The following SAMD3 variants were observed in gnomAD, a reference collection of about 807,000 sequenced individuals.
The protein encoded by SAMD3 is sterile alpha motif domain-containing protein 3.
SAMD3 carries 63 observed loss-of-function variants against 58.5 expected under a neutral mutation model. That is an observed-to-expected ratio of 1.08 (90% confidence interval 0.88 to 1.33). The LOEUF is 1.33. Ranked by LOEUF, SAMD3 falls within the 40% of genes most tolerant of loss-of-function variation. SAMD3 has a pLI of 0.00. For missense variants in SAMD3, 604 were observed against 608.4 expected (o/e 0.99, Z 0.08); for synonymous variants, 220 against 210.3 (o/e 1.05, Z -0.40).
At chr6:130,167,364 A>C (rs532284456) in intron 8 of SAMD3, among the ~76,000 whole-genome samples, 1 of 152,120 alleles carries the variant, frequency 6.6e-6, no homozygotes, top group Admixed American at 6.5e-5. Flanking sequence ...GAATAATAAA[A>C]CCAGAAAAAG....
At chr6:130,263,505 C>G (rs537227186) in intron 2 of SAMD3, among the ~76,000 whole-genome samples, 2 of 152,180 alleles carry the variant, frequency 1.3e-5, no homozygotes, top group Non-Finnish European at 2.9e-5. Flanking sequence ...TCATCATGCC[C>G]GACTCAAGAA....
At chr6:130,308,380 A>ATTCTATTCTATTCTATTCT (rs1562512925) in intron 2 of SAMD3, among the ~76,000 whole-genome samples, 83 of 135,118 alleles carry the variant, frequency 6.1e-4, no homozygotes, top group African/African-American at 8.4e-4. Flanking sequence ...ATTCTATTCT[A>ATTCTATTCTATTCTATTCT]TTCTATTCTA....
chr6:130,155,955 A>C (rs1395955767), intron 8 of SAMD3, among the ~76,000 whole-genome samples: 1 of 152,204 alleles, frequency 6.6e-6, no homozygotes, highest in Non-Finnish European at 1.5e-5. Flanking sequence ...TTCCACAAAG[A>C]AAATACCAAG....
intron 7 of SAMD3, among the ~76,000 whole-genome samples, chr6:130,178,664 A>G (rs1227621500): frequency 3.3e-5 from 5 of 152,254 alleles, no homozygotes; most frequent in Non-Finnish European, 7.3e-5. Flanking sequence ...GTGAATACAT[A>G]TCAGCCAAGT....
At chr6:130,303,934 T>G (rs1260349559) in intron 2 of SAMD3, among the ~76,000 whole-genome samples, 1 of 152,256 alleles carries the variant, frequency 6.6e-6, no homozygotes, top group Non-Finnish European at 1.5e-5. Flanking sequence ...ACATAAGGTT[T>G]TAATTTTAAA....
intron 5 of SAMD3, among the ~76,000 whole-genome samples, chr6:130,191,850 A>G (rs116959572): frequency 0.013 from 2,000 of 152,250 alleles, 18 homozygotes; most frequent in South Asian, 0.042. Flanking sequence ...AAGTTTTTGT[A>G]CTCTCTTATT....
intron 1 of SAMD3, among the ~76,000 whole-genome samples, chr6:130,323,159 T>C (rs1383540276): frequency 1.3e-5 from 2 of 152,164 alleles, no homozygotes; most frequent in Non-Finnish European, 2.9e-5. Context: ...TAGGTGAATG[T>C]TAGACAGATA....
intron 8 of SAMD3, 53 bp from the exon 9 acceptor site, chr6:130,155,078 A>T (rs931699942): frequency 2.0e-6 from 3 of 1,467,968 alleles, no homozygotes; most frequent in Non-Finnish European, 2.8e-6. Context: ...TAAAAACTTG[A>T]ATTTCAGGCT....
chr6:130,272,623 G>T (rs4568476), intron 2 of SAMD3, among the ~76,000 whole-genome samples: 47,278 of 152,014 alleles, frequency 0.31, 7,728 homozygotes, highest in East Asian at 0.47. Flanking sequence ...ATTGTTCTTT[G>T]TGGAAATATG....
At chr6:130,164,504 T>C (rs1166978489) in intron 8 of SAMD3, among the ~76,000 whole-genome samples, 1 of 152,194 alleles carries the variant, frequency 6.6e-6, no homozygotes, top group African/African-American at 2.4e-5. Flanking sequence ...CATTGCTTCA[T>C]GAAGCAGCAC....
chr6:130,221,076 G>A (rs181006892), intron 1 of SAMD3, among the ~76,000 whole-genome samples: 1,950 of 151,994 alleles, frequency 0.013, 55 homozygotes, highest in Admixed American at 0.062. Context: ...GGATGGTCTC[G>A]ATCTCCTGAC....
At chr6:130,239,665 C>T (rs1773286311) in intron 2 of SAMD3, among the ~76,000 whole-genome samples, 1 of 152,110 alleles carries the variant, frequency 6.6e-6, no homozygotes, top group Non-Finnish European at 1.5e-5. Flanking sequence ...TCTGAGGTAT[C>T]ACAGTAAGTG....
intron 2 of SAMD3, among the ~76,000 whole-genome samples, chr6:130,287,277 C>T (rs1464536013): frequency 6.6e-6 from 1 of 152,186 alleles, no homozygotes; most frequent in Non-Finnish European, 1.5e-5. Flanking sequence ...ACATTTTATA[C>T]ATATGCTTAT....
At chr6:130,186,908 C>CT (rs1793037216) in intron 5 of SAMD3, among the ~76,000 whole-genome samples, 1 of 151,584 alleles carries the variant, frequency 6.6e-6, no homozygotes, top group African/African-American at 2.4e-5. Context: ...GTAGCTGGGA[C>CT]TACAGGCGCA....
intron 8 of SAMD3, among the ~76,000 whole-genome samples, chr6:130,168,413 C>T (rs1419463390): frequency 2.0e-5 from 3 of 151,904 alleles, no homozygotes; most frequent in Non-Finnish European, 2.9e-5. Flanking sequence ...CCAGCCTGGG[C>T]GACGAGTGAA....
chr6:130,265,425 A>C (rs1774305437), intron 2 of SAMD3, among the ~76,000 whole-genome samples: 1 of 152,210 alleles, frequency 6.6e-6, no homozygotes, highest in African/African-American at 2.4e-5. Flanking sequence ...GAGGAAACTC[A>C]TCACGGGACT....
intron 2 of SAMD3, among the ~76,000 whole-genome samples, chr6:130,242,170 T>C (rs1359303594): frequency 3.3e-5 from 5 of 152,216 alleles, no homozygotes; most frequent in Admixed American, 6.5e-5. Flanking sequence ...TGCAACAGTA[T>C]CTAAAGCCTA....
intron 5 of SAMD3, among the ~76,000 whole-genome samples, chr6:130,187,187 G>A (rs1050972198): frequency 7.2e-5 from 11 of 152,088 alleles, no homozygotes; most frequent in South Asian, 2.1e-4. Flanking sequence ...GCTGCCTGCC[G>A]GGTCCAGGTT....
chr6:130,146,631 G>T (rs1788650817), intron 9 of SAMD3, among the ~76,000 whole-genome samples: 1 of 152,120 alleles, frequency 6.6e-6, no homozygotes, highest in Non-Finnish European at 1.5e-5. Flanking sequence ...CCTAAATTTA[G>T]GTAAAGGAGA....
Sources: allele counts gnomAD v4.1 joint callset (sites outside exome capture counted in the v4.1 genomes callset), GRCh38; gene constraint gnomAD v4.1.1; transcripts MANE v1.5; gene names NCBI Gene and HGNC (gene_info 2026-07-23, HGNC 2026-07-21).